Variants in KDM5B observed in about 807,000 individuals in gnomAD.
KDM5B encodes the protein lysine demethylase 5B, also known as lysine-specific demethylase 5B.
Under a neutral mutation model 193.4 loss-of-function variants are expected in KDM5B, and 144 were observed. The ratio of observed to expected loss-of-function variants is 0.74; its 90% confidence interval spans 0.65 to 0.86. The LOEUF is 0.86. KDM5B is among the 40% of genes least tolerant of loss of function. KDM5B has a pLI of 0.00. For missense variants in KDM5B, 1,833 were observed against 1,886.9 expected (o/e 0.97, Z 0.53); for synonymous variants, 668 against 682.6 (o/e 0.98, Z 0.33).
At chr1:202,752,814 A>T (rs1405092370) in intron 12 of KDM5B, 91 bp downstream of exon 12, 5 of 1,256,530 alleles carry the variant, frequency 4.0e-6, no homozygotes, top group Admixed American at 2.0e-5. Flanking sequence ...AAAACACAGA[A>T]CTAAATCAAC....
rs746800943 is a variant in KDM5B, at chr1:202,773,264, C to G, written c.430G>C (p.Ala144Pro). The change falls in exon 4 of 27, where the codon GCA (alanine) becomes CCA (proline). Residue 144 changes from alanine to proline, a missense_variant. Around this residue, in one of 3 missense-constraint regions of KDM5B, gnomAD observed 355 missense variants for 374.9 expected, o/e 0.95. Coordinates refer to ENST00000367265, the MANE Select transcript of KDM5B (RefSeq NM_006618.5). ...CATTTTCTATCCTTGCAAACAACTG[C>G]AAATCCACCTTCTTCTGCAACTAAC... is the stretch of plus-strand genomic sequence containing the variant. Reference protein sequence around the residue: ...NKLVAEEGGFAVVCKDRKWTK... With the variant: ...NKLVAEEGGFPVVCKDRKWTK... 9 of 1,614,010 alleles carry G rather than the reference C, an allele frequency of 5.6e-6. No homozygotes were observed. The highest frequency in any genetic ancestry group is 3.3e-5 in the Admixed American group (2 of 59,982).
At chr1:202,775,988 G>C (rs1438802524) in intron 2 of KDM5B, 1 of 150,384 alleles carries the variant, frequency 6.6e-6, no homozygotes, top group Non-Finnish European at 1.5e-5. Flanking sequence ...CCAACACTTT[G>C]GGAGGCCAAG....
intron 3 of KDM5B, among the ~76,000 whole-genome samples, chr1:202,774,288 A>G (rs558695063): frequency 1.3e-5 from 2 of 152,302 alleles, no homozygotes; most frequent in Non-Finnish European, 2.9e-5. Context: ...TCAGTTACCC[A>G]GGCTGGAGTG....
chr1:202,774,775 A>G (rs1408927589), intron 2 of KDM5B, 40 bp from the exon 3 acceptor site: 2 of 1,584,202 alleles, frequency 1.3e-6, no homozygotes, highest in Admixed American at 3.4e-5. Flanking sequence ...CATTTAGCTT[A>G]TTTTAAAGCT....
At chr1:202,754,224 T>C (rs1655919188) in intron 11 of KDM5B, among the ~76,000 whole-genome samples, 3 of 152,244 alleles carry the variant, frequency 2.0e-5, no homozygotes, top group Admixed American at 2.0e-4. Flanking sequence ...ATATTCATTT[T>C]ACAGCTGGGA....
intron 1 of KDM5B, among the ~76,000 whole-genome samples, chr1:202,778,216 A>T (rs772721156): frequency 1.7e-4 from 26 of 152,166 alleles, no homozygotes; most frequent in Non-Finnish European, 4.4e-5. Context: ...ACTCGTATAG[A>T]CAACTGTTCT....
intron 8 of KDM5B, 149 bp downstream of exon 8, chr1:202,760,266 T>C (rs1656195534): frequency 7.2e-6 from 4 of 556,572 alleles, no homozygotes; most frequent in Non-Finnish European, 1.2e-5. Flanking sequence ...CAGTGAGCCA[T>C]GTTTGTGCCA....
chr1:202,753,190 G>A (rs1477558791), intron 11 of KDM5B, 123 bp from the exon 12 acceptor site: 17 of 790,478 alleles, frequency 2.2e-5, no homozygotes, highest in East Asian at 1.3e-4. Context: ...ACAAACTGAC[G>A]AAATATCATT....
At chr1:202,761,871 C>G (rs1263058662) in intron 7 of KDM5B, among the ~76,000 whole-genome samples, 1 of 151,862 alleles carries the variant, frequency 6.6e-6, no homozygotes, top group Non-Finnish European at 1.5e-5. Context: ...TACTAGAAAG[C>G]TGAGAATTCA....
intron 2 of KDM5B, 106 bp from the exon 3 acceptor site, chr1:202,774,841 A>G: frequency 8.9e-7 from 1 of 1,117,480 alleles, no homozygotes; most frequent in African/African-American, 1.6e-5. Context: ...TACCACTTAA[A>G]AAAATTTTTT....
At chr1:202,758,568 C>A in intron 8 of KDM5B, 58 bp from the exon 9 acceptor site, 2 of 1,404,060 alleles carry the variant, frequency 1.4e-6, no homozygotes, top group South Asian at 3.0e-5. Context: ...TATACTTGGT[C>A]AATCATCAAG....
At chr1:202,788,129 T>G (rs1057396715) in intron 1 of KDM5B, among the ~76,000 whole-genome samples, 1 of 152,200 alleles carries the variant, frequency 6.6e-6, no homozygotes, top group Non-Finnish European at 1.5e-5. Context: ...GTATTCTCCA[T>G]TCACTAATAG....
chr1:202,769,543 C>T (rs1656622577), intron 4 of KDM5B, among the ~76,000 whole-genome samples: 1 of 151,104 alleles, frequency 6.6e-6, no homozygotes, highest in Non-Finnish European at 1.5e-5. Flanking sequence ...GTGATGCATG[C>T]CTGTAATCCC....
At chr1:202,754,877 G>T (rs189250725) in intron 11 of KDM5B, among the ~76,000 whole-genome samples, 108 of 152,268 alleles carry the variant, frequency 7.1e-4, no homozygotes, top group African/African-American at 1.2e-3. Context: ...TAAAGACGGG[G>T]TTTCTCCATG....
intron 1 of KDM5B, among the ~76,000 whole-genome samples, chr1:202,780,339 A>G (rs969429950): frequency 1.3e-5 from 2 of 152,072 alleles, no homozygotes; most frequent in Non-Finnish European, 2.9e-5. Flanking sequence ...GGCATGTACC[A>G]CCACCATGCC....
chr1:202,793,635 T>A (rs1473452360), intron 1 of KDM5B, among the ~76,000 whole-genome samples: 1 of 152,168 alleles, frequency 6.6e-6, no homozygotes, highest in East Asian at 1.9e-4. Context: ...ACATTTTGAT[T>A]CCTACTCTAT....
intron 1 of KDM5B, among the ~76,000 whole-genome samples, chr1:202,801,515 C>T (rs1572786172): frequency 1.3e-5 from 2 of 152,108 alleles, no homozygotes; most frequent in South Asian, 4.1e-4. Context: ...TAATCTGGTT[C>T]ATAAACTTGG....
chr1:202,792,695 C>G (rs12132992), intron 1 of KDM5B, among the ~76,000 whole-genome samples: 37,025 of 152,090 alleles, frequency 0.24, 5,012 homozygotes, highest in East Asian at 0.46. Flanking sequence ...GAGAAGACCA[C>G]AGTCAAAAAA....
At chr1:202,767,475 G>T in intron 4 of KDM5B, 1 of 1,002,616 alleles carries the variant, frequency 1.0e-6, no homozygotes. Context: ...ATGAAATGGC[G>T]GCACCTCACC....
Sources: allele counts gnomAD v4.1 joint callset (sites outside exome capture counted in the v4.1 genomes callset), GRCh38; gene constraint gnomAD v4.1.1; regional missense constraint gnomAD v4.1.1; transcripts MANE v1.5; gene names NCBI Gene and HGNC (gene_info 2026-07-23, HGNC 2026-07-21).